The following FDX1 variants were observed in gnomAD, a reference collection of about 807,000 sequenced individuals.
FDX1 encodes adrenodoxin, mitochondrial.
Under a neutral mutation model 14.9 loss-of-function variants are expected in FDX1, and 9 were observed. The observed-to-expected ratio is 0.60, with a 90% CI of 0.36 to 1.05. The LOEUF is 1.05. FDX1 is among the 50% of genes least tolerant of loss of function. The pLI is 0.01. For synonymous variants in FDX1, 92 were observed against 99.4 expected, an observed-to-expected ratio of 0.93 and a Z score of 0.44; for missense variants, 204 against 237.2, an observed-to-expected ratio of 0.86 and a Z score of 0.92.
chr11:110,449,847 C>T (rs367660824), intron 2 of FDX1, among the ~76,000 whole-genome samples: 5 of 152,202 alleles, frequency 3.3e-5, no homozygotes, highest in South Asian at 2.1e-4. Context: ...AGGCTGGTCT[C>T]GAATACCTGA....
In FDX1 at chr11:110,434,334, A is replaced by ATTTGCTTTTTTTTTTT. The variant is rs71476086; in HGVS notation, c.186-1497_186-1496insGCTTTTTTTTTTTTTT. Among the ~76,000 whole-genome samples the ATTTGCTTTTTTTTTTT allele has an allele frequency of 1.2e-4, 15 of 126,376 alleles. 2 individuals carry two copies. The South Asian group carries it at 2.5e-3, about 21-fold the overall frequency. The allele number at this position is 126,376 out of a possible 152,430, so 82.9% of individuals were successfully genotyped here. A position where few individuals can be genotyped will look rare whatever the true frequency, so the allele number is the denominator to read the frequency against. ...CACTGGAAAAGCAATCGCCCTATTGATTTTTTTTTTTTTTTTTTTGGAGAC... is the reference window on the plus strand; with the variant it reads ...CACTGGAAAAGCAATCGCCCTATTGATTTGCTTTTTTTTTTTTTTTTTTTTTTTTTTTTTTGGAGAC... On this transcript the variant is annotated intron_variant, in intron 1 of 3. Coordinates refer to ENST00000260270, the MANE Select transcript of FDX1 (RefSeq NM_004109.5).
At chr11:110,436,023 G>GGT in intron 2 of FDX1, 65 bp downstream of exon 2, 1 of 1,453,918 alleles carries the variant, frequency 6.9e-7, no homozygotes, top group Non-Finnish European at 9.3e-7. Context: ...TTTATTTTGT[G>GGT]GTTTTTTTTT....
At chr11:110,435,590 G>C (rs1231724821) in intron 1 of FDX1, among the ~76,000 whole-genome samples, 1 of 152,168 alleles carries the variant, frequency 6.6e-6, no homozygotes, top group Non-Finnish European at 1.5e-5. Flanking sequence ...GCTCAGGCCT[G>C]TAATCTCAGA....
In FDX1 at chr11:110,463,829, C is replaced by T. The variant is rs1481642710; in HGVS notation, c.*1361C>T. ...TAGTTCTGCTAAATAAGATTTTAAA[C>T]TAATTCATATGTAAAAAGTGATTAG... On this transcript the variant is annotated 3_prime_UTR_variant, in exon 4 of 4. Transcript: ENST00000260270. 3 of 151,318 alleles carry T rather than the reference C, an allele frequency of 2.0e-5. No individual in the cohort carries two copies. Among genetic ancestry groups the T allele is most frequent in the Admixed American group, 2.0e-4 (3 of 15,182 alleles). 9.4% of individuals were successfully genotyped at this position (151,318 alleles called of 1,614,324 possible). A position where few individuals can be genotyped will look rare whatever the true frequency, so the allele number is the denominator to read the frequency against.
chr11:110,443,300 A>AT (rs34274332), intron 2 of FDX1, among the ~76,000 whole-genome samples: 45,795 of 151,204 alleles, frequency 0.3, 7,182 homozygotes, highest in East Asian at 0.38. Flanking sequence ...CTGTAGGAAA[A>AT]TGTCTCAAGT....
upstream of FDX1, chr11:110,429,910 C>T (rs1192559536): frequency 6.5e-5 from 22 of 340,342 alleles, no homozygotes; most frequent in East Asian, 9.4e-4. Flanking sequence ...CGGGGCCGCG[C>T]TCTGCTTGCC....
intron 1 of FDX1, among the ~76,000 whole-genome samples, chr11:110,435,422 A>G (rs1351254169): frequency 6.6e-6 from 1 of 152,216 alleles, no homozygotes; most frequent in Non-Finnish European, 1.5e-5. Flanking sequence ...TATTAGGGAG[A>G]CATATACTGA....
At chr11:110,440,699 T>A (rs1035258901) in intron 2 of FDX1, among the ~76,000 whole-genome samples, 1 of 152,198 alleles carries the variant, frequency 6.6e-6, no homozygotes, top group African/African-American at 2.4e-5. Context: ...TCAATAACAT[T>A]GGAATGGATG....
intron 2 of FDX1, among the ~76,000 whole-genome samples, chr11:110,444,958 T>C (rs1219815235): frequency 6.6e-6 from 1 of 151,508 alleles, no homozygotes; most frequent in Admixed American, 6.6e-5. Context: ...AGCCCCAATT[T>C]TGGGGCCTGT....
At chr11:110,436,075 C>A (rs1591246826) in intron 2 of FDX1, 117 bp downstream of exon 2, 1 of 818,342 alleles carries the variant, frequency 1.2e-6, no homozygotes, top group Non-Finnish European at 2.0e-6. Context: ...AAAATATTAA[C>A]ATTCAGGATG....
At chr11:110,441,914 G>T (rs1311926219) in intron 2 of FDX1, among the ~76,000 whole-genome samples, 3 of 152,190 alleles carry the variant, frequency 2.0e-5, no homozygotes, top group African/African-American at 7.2e-5. Context: ...TGTGGGCTGG[G>T]CCCAGGGCCC....
In FDX1 at chr11:110,456,946, A is replaced by G. The variant is rs1565385104; in HGVS notation, c.339A>G (p.Ser113=). The part of the protein sequence containing the change: ...FGACEGTLAC[S]TCHLIFEDHI... ...CATGTGAGGGAACCCTGGCTTGTTC[A>G]ACCTGTCACCTCATCTTTGAAGATC... is the stretch of plus-strand genomic sequence containing the variant. Residue 113 remains serine (S), a synonymous_variant, in exon 3 of 4, where the codon TCA becomes TCG. Coordinates refer to ENST00000260270, the MANE Select transcript of FDX1 (RefSeq NM_004109.5). 6.8e-6 allele frequency: 11 copies of G among 1,612,964 alleles called. No homozygotes were observed. The highest frequency in any genetic ancestry group is 1.3e-5 in the African/African-American group (1 of 74,898).
At chr11:110,451,467 A>T (rs1024154294) in intron 2 of FDX1, among the ~76,000 whole-genome samples, 1 of 152,182 alleles carries the variant, frequency 6.6e-6, no homozygotes, top group African/African-American at 2.4e-5. Flanking sequence ...GAGAAATATG[A>T]ACACTTTTAC....
intron 1 of FDX1, among the ~76,000 whole-genome samples, chr11:110,432,295 C>T (rs891116517): frequency 1.3e-5 from 2 of 151,996 alleles, no homozygotes; most frequent in Admixed American, 6.6e-5. Flanking sequence ...ACTCTTAAGA[C>T]AATTCTATGA....
At chr11:110,434,684 C>A in intron 1 of FDX1, among the ~76,000 whole-genome samples, 1 of 148,996 alleles carries the variant, frequency 6.7e-6, no homozygotes, top group Admixed American at 6.7e-5. Context: ...CTTTTATGGA[C>A]ACATTCATGT....
chr11:110,461,191 T>C (rs1289762886), intron 3 of FDX1, among the ~76,000 whole-genome samples: 1 of 152,128 alleles, frequency 6.6e-6, no homozygotes, highest in Non-Finnish European at 1.5e-5. Context: ...TTGAATTATA[T>C]ATCACTGCTA....
intron 2 of FDX1, among the ~76,000 whole-genome samples, chr11:110,451,387 A>T (rs1946485481): frequency 6.6e-6 from 1 of 152,172 alleles, no homozygotes; most frequent in African/African-American, 2.4e-5. Flanking sequence ...TTTTAAAGAG[A>T]CAGGGTCTCA....
intron 2 of FDX1, among the ~76,000 whole-genome samples, chr11:110,448,293 T>C (rs542082319): frequency 6.6e-6 from 1 of 152,244 alleles, no homozygotes; most frequent in Non-Finnish European, 1.5e-5. Flanking sequence ...TCCCTATTGA[T>C]ATAATGTATT....
At chr11:110,436,598 C>T (rs1946371691) in intron 2 of FDX1, among the ~76,000 whole-genome samples, 1 of 148,392 alleles carries the variant, frequency 6.7e-6, no homozygotes, top group South Asian at 2.2e-4. Context: ...CCACCCCCGC[C>T]CCAGACTTAC....
Sources: allele counts gnomAD v4.1 joint callset (sites outside exome capture counted in the v4.1 genomes callset), GRCh38; gene constraint gnomAD v4.1.1; transcripts MANE v1.5; gene names NCBI Gene and HGNC (gene_info 2026-07-23, HGNC 2026-07-21).